The following ABCA3 variants were observed in gnomAD, a reference collection of about 807,000 sequenced individuals.
The protein encoded by ABCA3 is phospholipid-transporting ATPase ABCA3.
Under a neutral mutation model 172.8 loss-of-function variants are expected in ABCA3, and 88 were observed. That is an observed-to-expected ratio of 0.51 (90% CI 0.43 to 0.61). The LOEUF (loss-of-function observed/expected upper bound fraction) is 0.61. Ranked by LOEUF, ABCA3 falls within the 20% of genes least tolerant of loss-of-function variation. The pLI is 0.00. For synonymous variants in ABCA3, 1,066 were observed against 983.8 expected, an observed-to-expected ratio of 1.08 and a Z score of -1.56; for missense variants, 2,164 against 2,301.0, an observed-to-expected ratio of 0.94 and a Z score of 1.22.
chr16:2,278,350 C>T lies in ABCA3; in HGVS notation c.4656G>A (p.Leu1552=), dbSNP rs1465234833. 1 of 1,611,956 alleles carries T rather than the reference C, an allele frequency of 6.2e-7. No homozygotes were observed. The highest frequency in any genetic ancestry group is 2.2e-5 in the East Asian group (1 of 44,862). The change falls in exon 30 of 33, where the codon CTG becomes CTA. Residue 1552 remains leucine, a synonymous_variant. Coordinates refer to ENST00000301732, the MANE Select transcript of ABCA3 (RefSeq NM_001089.3). The surrounding 1 kb of genome is among the most constrained non-coding windows in gnomAD (Gnocchi z 4.4). Reference sequence around the variant, plus strand: ...GGGCTCGTGCCACGGTGTCCCAAAGCAGGCGCCGGGCCACGGGGTCCATGC... The same window carrying T: ...GGGCTCGTGCCACGGTGTCCCAAAGTAGGCGCCGGGCCACGGGGTCCATGC... The part of the protein sequence containing the change: ...STGMDPVARR[L]LWDTVARARE...
Position 2,283,488 on chromosome 16 carries a change from T to G in ABCA3, c.3863-130A>C, listed in dbSNP as rs2093658250. The stretch of plus-strand genomic sequence containing the variant: ...ACAATGTCCCCTCCATGGGGAGATG[T>G]GAAGGCCAGTAGGTCACAGCTGCCT... On this transcript the variant is annotated intron_variant, in intron 25 of 32. Coordinates refer to ENST00000301732, the MANE Select transcript of ABCA3 (RefSeq NM_001089.3). The surrounding 1 kb of genome is among the most constrained non-coding windows in gnomAD (Gnocchi z 5.4). The G allele has an allele frequency of 2.8e-6, 3 of 1,060,906 alleles. No homozygotes were observed. Among genetic ancestry groups the G allele is most frequent in the Admixed American group, 5.0e-5 (2 of 39,698 alleles). 65.7% of individuals were successfully genotyped at this position (1,060,906 alleles called of 1,614,324 possible). A position where few individuals can be genotyped will look rare whatever the true frequency, so the allele number is the denominator to read the frequency against.
Position 2,281,149 on chromosome 16 carries a change from C to G in ABCA3, c.4237G>C (p.Gly1413Arg). 1.2e-6 allele frequency: 2 copies of G among 1,613,832 alleles called. No homozygotes were observed. Among genetic ancestry groups the G allele is most frequent in the Non-Finnish European group, 1.7e-6 (2 of 1,180,038 alleles). Residue 1413 changes from glycine to arginine, a missense_variant, in exon 28 of 33, where the codon GGC becomes CGC. Physicochemically the swap from Gly to Arg is moderately radical, Grantham distance 125 (BLOSUM62 -2). Transcript: ENST00000301732. The surrounding 1 kb of genome is among the most constrained non-coding windows in gnomAD (Gnocchi z 4.7). ...SLAVQKGECFGLLGFNGAGKT... is the reference protein window; with the variant it reads ...SLAVQKGECFRLLGFNGAGKT... ...CCGGCTCCATTGAAGCCCAGCAGGC[C>G]GAAGCACTCCCCTTTCTGCACCGCG...
Position 2,278,215 on chromosome 16 carries a change from C to T in ABCA3, c.4718+73G>A. 1 of 1,600,320 alleles carries T rather than the reference C, an allele frequency of 6.2e-7. No individual in the cohort carries two copies. Among genetic ancestry groups the T allele is most frequent in the Admixed American group, 1.7e-5 (1 of 60,002 alleles). ...GACTCTGCACCAGATGCTGATGGGTCTCCTGGCCACCTGGCTCCTCCATGG... is the reference window on the plus strand; with the variant it reads ...GACTCTGCACCAGATGCTGATGGGTTTCCTGGCCACCTGGCTCCTCCATGG... On this transcript the variant is annotated intron_variant, in intron 30 of 32. Coordinates refer to ENST00000301732, the MANE Select transcript of ABCA3 (RefSeq NM_001089.3). This position sits in a 1 kb window ranked among gnomAD's most constrained non-coding sequence, Gnocchi z 4.4.
chr16:2,287,261 A>C lies in ABCA3; in HGVS notation c.3005-294T>G, dbSNP rs751154476. ...GTCCCTGTTCTGAGCCTGGGGCAGT[A>C]TCCAACTATGACTACCAAGACTCTT... On this transcript the variant is annotated intron_variant, in intron 21 of 32. Transcript: ENST00000301732. This position sits in a 1 kb window ranked among gnomAD's most constrained non-coding sequence, Gnocchi z 4.1. 6.6e-6 allele frequency among the ~76,000 whole-genome samples: 1 copy of C among 152,098 alleles called. No homozygotes were observed. The highest frequency in any genetic ancestry group is 1.5e-5 in the Non-Finnish European group (1 of 68,020).
intron 7 of ABCA3, among the ~76,000 whole-genome samples, chr16:2,321,724 T>C (rs2093726365): frequency 6.6e-6 from 1 of 152,130 alleles, no homozygotes; most frequent in Non-Finnish European, 1.5e-5. Flanking sequence ...AGACACACAC[T>C]GATGGGGCAT....
Position 2,285,341 on chromosome 16 carries a change from G to T in ABCA3, c.3483+101C>A. The T allele has an allele frequency of 7.0e-7, 1 of 1,420,162 alleles. No homozygotes were observed. Among genetic ancestry groups the T allele is most frequent in the Non-Finnish European group, 9.6e-7 (1 of 1,037,256 alleles). The allele number at this position is 1,420,162 out of a possible 1,614,324, so 88.0% of individuals were successfully genotyped here. On this transcript the variant is annotated intron_variant, in intron 23 of 32. Transcript: ENST00000301732. The surrounding 1 kb of genome is among the most constrained non-coding windows in gnomAD (Gnocchi z 4.7). Reference sequence around the variant, plus strand: ...CCTCCCTGAGTCGGGCCGAGCTGCCGGCCTAGGGGCTGCCCAGCTGGTTCC... The same window carrying T: ...CCTCCCTGAGTCGGGCCGAGCTGCCTGCCTAGGGGCTGCCCAGCTGGTTCC...
chr16:2,305,591 C>T (rs181252078), intron 11 of ABCA3, among the ~76,000 whole-genome samples: 6 of 152,092 alleles, frequency 3.9e-5, no homozygotes, highest in Admixed American at 6.6e-5. Context: ...CACCGCGCCC[C>T]GCCAATTTTT....
rs1390399506 is a variant in ABCA3 at position 2,278,291 on chromosome 16, T to C, written c.4715A>G (p.His1572Arg). ...ESGKAIIITS[H>R]SMEECEALCT... Reference sequence around the variant, plus strand: ...AACCCACAGACCCAGGCTCTACCTGTGGGAGGTGATGATGATGGCCTTGCC... The same window carrying C: ...AACCCACAGACCCAGGCTCTACCTGCGGGAGGTGATGATGATGGCCTTGCC... The change falls in exon 30 of 33, where the codon CAC (histidine) becomes CGC (arginine). Residue 1572 changes from histidine to arginine, a missense_variant. By Grantham distance (29) the His-to-Arg change is conservative. Coordinates refer to ENST00000301732, the MANE Select transcript of ABCA3 (RefSeq NM_001089.3). The surrounding 1 kb of genome is among the most constrained non-coding windows in gnomAD (Gnocchi z 4.4). 1.9e-6 allele frequency: 3 copies of C among 1,607,802 alleles called. No homozygotes were observed. The highest frequency in any genetic ancestry group is 1.1e-5 in the South Asian group (1 of 91,072).
At chr16:2,298,590 A>G (rs2093683861) in intron 14 of ABCA3, 50 bp from the exon 15 acceptor site, 1 of 1,604,828 alleles carries the variant, frequency 6.2e-7, no homozygotes. Context: ...CCTGCTCGTC[A>G]GCACCCGCGG....
At position 2,278,200 on chromosome 16, in the gene ABCA3, C is replaced by T. The variant is rs968510038; in HGVS notation, c.4718+88G>A. On this transcript the variant is annotated intron_variant, in intron 30 of 32. Transcript: ENST00000301732. The surrounding 1 kb of genome is among the most constrained non-coding windows in gnomAD (Gnocchi z 4.4). Reference sequence around the variant, plus strand: ...TGTGGCTCACGGGCAGACTCTGCACCAGATGCTGATGGGTCTCCTGGCCAC... The same window carrying T: ...TGTGGCTCACGGGCAGACTCTGCACTAGATGCTGATGGGTCTCCTGGCCAC... 1 of 1,598,336 alleles carries T rather than the reference C, an allele frequency of 6.3e-7. No homozygotes were observed. The highest frequency in any genetic ancestry group is 8.5e-7 in the Non-Finnish European group (1 of 1,176,680).
chr16:2,337,808 C>G (rs764632201), intron 1 of ABCA3, among the ~76,000 whole-genome samples: 6 of 152,346 alleles, frequency 3.9e-5, no homozygotes, highest in East Asian at 3.9e-4. Flanking sequence ...ATCGCAGGCC[C>G]TGATGGAGCC....
In ABCA3 at chr16:2,286,399, G is replaced by A. The variant is rs915178470; in HGVS notation, c.3278+295C>T. Among the ~76,000 whole-genome samples, 4 of 150,980 alleles carry A rather than the reference G, an allele frequency of 2.6e-5. No individual in the cohort carries two copies. Among genetic ancestry groups the A allele is most frequent in the East Asian group, 3.9e-4 (2 of 5,134 alleles). ...ACTGCTGGAGAGAGCAGTGTGGAGC[G>A]AGGACAGTGGCTGACAGGAGCCAGG... On this transcript the variant is annotated intron_variant, in intron 22 of 32. Coordinates refer to ENST00000301732, the MANE Select transcript of ABCA3 (RefSeq NM_001089.3). This position sits in a 1 kb window ranked among gnomAD's most constrained non-coding sequence, Gnocchi z 5.2.
chr16:2,281,806 AT>A lies in ABCA3; in HGVS notation c.4036-298del, dbSNP rs765812169. ...GAATATAAAATAAGATTTTTAGACA[AT>A]TTTTTTTTTTTTTTTGAGACAGAGT... On this transcript the variant is annotated intron_variant, in intron 26 of 32. Coordinates refer to ENST00000301732, the MANE Select transcript of ABCA3 (RefSeq NM_001089.3). This position sits in a 1 kb window ranked among gnomAD's most constrained non-coding sequence, Gnocchi z 4.7. Among the ~76,000 whole-genome samples, 718 of 143,442 alleles carry A rather than the reference AT, an allele frequency of 5.0e-3. No homozygotes were observed. Among genetic ancestry groups the A allele is most frequent in the Middle Eastern group, 0.011 (3 of 274 alleles). The allele number at this position is 143,442 out of a possible 152,430, so 94.1% of individuals were successfully genotyped here.
chr16:2,324,269 G>A, intron 6 of ABCA3, 135 bp downstream of exon 6: 1 of 1,295,128 alleles, frequency 7.7e-7, no homozygotes, highest in Non-Finnish European at 1.1e-6. Flanking sequence ...ACCCAAAGGA[G>A]TGACTGCTAT....
intron 13 of ABCA3, 100 bp downstream of exon 13, chr16:2,299,904 GA>G: frequency 3.2e-6 from 5 of 1,548,034 alleles, no homozygotes; most frequent in Non-Finnish European, 4.4e-6. Context: ...GCAAGGCTCA[GA>G]GGGAGCGCCT....
intron 3 of ABCA3, among the ~76,000 whole-genome samples, chr16:2,328,087 T>G (rs1020306146): frequency 6.6e-6 from 1 of 151,936 alleles, no homozygotes; most frequent in Non-Finnish European, 1.5e-5. Flanking sequence ...CTATATTATA[T>G]AGGAACATGA....
rs984749436 is a variant in ABCA3 at position 2,278,802 on chromosome 16, C to T, written c.4547+141G>A. ...CTTTCCTACGTGGAGCTACCTGGGT[C>T]ACACCACCACATCCCAGCTCCATCC... is the stretch of plus-strand genomic sequence containing the variant. On this transcript the variant is annotated intron_variant, in intron 29 of 32. Transcript: ENST00000301732. This position sits in a 1 kb window ranked among gnomAD's most constrained non-coding sequence, Gnocchi z 4.4. The T allele has an allele frequency of 1.6e-5, 21 of 1,296,516 alleles. No individual in the cohort carries two copies. The highest frequency in any genetic ancestry group is 2.2e-5 in the Non-Finnish European group (20 of 916,392). 80.3% of individuals were successfully genotyped at this position (1,296,516 alleles called of 1,614,324 possible).
Position 2,286,595 on chromosome 16 carries a change from G to A in ABCA3, c.3278+99C>T. The A allele has an allele frequency of 6.7e-7, 1 of 1,496,198 alleles. No homozygotes were observed. Among genetic ancestry groups the A allele is most frequent in the Non-Finnish European group, 9.1e-7 (1 of 1,099,618 alleles). The allele number at this position is 1,496,198 out of a possible 1,614,324, so 92.7% of individuals were successfully genotyped here. A position where few individuals can be genotyped will look rare whatever the true frequency, so the allele number is the denominator to read the frequency against. ...CCACCAGACCCAGGGGCTTTGGGAG[G>A]GCAGACACAATGCTCTATCTATGGG... is the stretch of plus-strand genomic sequence containing the variant. On this transcript the variant is annotated intron_variant, in intron 22 of 32. Coordinates refer to ENST00000301732, the MANE Select transcript of ABCA3 (RefSeq NM_001089.3). The surrounding 1 kb of genome is among the most constrained non-coding windows in gnomAD (Gnocchi z 5.2).
chr16:2,314,733 C>T (rs1396809693), intron 10 of ABCA3, among the ~76,000 whole-genome samples: 2 of 151,878 alleles, frequency 1.3e-5, no homozygotes, highest in Non-Finnish European at 2.9e-5. Flanking sequence ...TGTGCCACCA[C>T]ACCTGGCTAA....
Sources: allele counts gnomAD v4.1 joint callset (sites outside exome capture counted in the v4.1 genomes callset), GRCh38; gene constraint gnomAD v4.1.1; non-coding constraint Gnocchi (gnomAD v3.1); transcripts MANE v1.5; gene names NCBI Gene and HGNC (gene_info 2026-07-23, HGNC 2026-07-21).